Variants in ARAP2 observed in about 807,000 individuals in gnomAD.
The protein encoded by ARAP2 is ArfGAP with RhoGAP domain, ankyrin repeat and PH domain 2.
ARAP2 carries 148 observed loss-of-function variants against 194.5 expected under a neutral mutation model. That is an observed-to-expected ratio of 0.76 (90% CI 0.67 to 0.87). The LOEUF (loss-of-function observed/expected upper bound fraction) is 0.87, where lower values mean the gene tolerates loss of function less well. ARAP2 is among the 40% of genes least tolerant of loss of function. ARAP2 has a pLI of 0.00. For synonymous variants in ARAP2, 695 were observed against 683.5 expected, an observed-to-expected ratio of 1.02 and a Z score of -0.26; for missense variants, 2,128 against 1,989.7, an observed-to-expected ratio of 1.07 and a Z score of -1.32.
chr4:36,013,232 AAATTTAGAATTTTAT>A (rs1178072543), intron 8 of ARAP2, among the ~76,000 whole-genome samples: 1 of 152,216 alleles, frequency 6.6e-6, no homozygotes, highest in Non-Finnish European at 1.5e-5. Flanking sequence ...GAACTTATCA[AAATTTAGAATTTTAT>A]ACGGTGGCTT....
Position 36,121,176 on chromosome 4 carries a change from T to G in ARAP2, c.3894+3A>C. The G allele has an allele frequency of 1.9e-6, 3 of 1,580,816 alleles. No homozygotes were observed. The highest frequency in any genetic ancestry group is 1.7e-6 in the Non-Finnish European group (2 of 1,160,360). ...TAACAAGGGCAGGATACAAAATAAT[T>G]ACCTCAAATATTTCTACATAATTAT... On this transcript the variant is annotated splice_donor_region_variant and intron_variant, in intron 23 of 32. Transcript: ENST00000303965.
intron 5 of ARAP2, among the ~76,000 whole-genome samples, chr4:36,044,181 A>C (rs1006387607): frequency 1.3e-5 from 2 of 152,126 alleles, no homozygotes; most frequent in Non-Finnish European, 2.9e-5. Flanking sequence ...CCGATGTCAA[A>C]GGCCACTGAA....
In ARAP2 at chr4:36,143,882, C is replaced by T. The variant is rs189648532; in HGVS notation, c.3263+3414G>A. 2.6e-5 allele frequency among the ~76,000 whole-genome samples: 4 copies of T among 151,954 alleles called. No homozygotes were observed. In the South Asian group the frequency reaches 8.3e-4, roughly 32 times the overall value. On this transcript the variant is annotated intron_variant, in intron 19 of 32. Coordinates refer to ENST00000303965, the MANE Select transcript of ARAP2 (RefSeq NM_015230.4). ...CAAAAATGTTATTAACTGTCTGTGA[C>T]CATTATTTTGGAATTTCATTAGTTT...
At chr4:36,090,588 G>T (rs1326829033) in intron 28 of ARAP2, among the ~76,000 whole-genome samples, 1 of 152,084 alleles carries the variant, frequency 6.6e-6, no homozygotes, top group Non-Finnish European at 1.5e-5. Flanking sequence ...CCATAAAAAA[G>T]AATGAGATCA....
intron 27 of ARAP2, among the ~76,000 whole-genome samples, chr4:36,098,508 A>G (rs1715958389): frequency 6.6e-6 from 1 of 152,050 alleles, no homozygotes; most frequent in African/African-American, 2.4e-5. Flanking sequence ...TTAAAGCCTT[A>G]CCTTCCTAAA....
chr4:36,106,517 C>T (rs946697441), intron 27 of ARAP2, among the ~76,000 whole-genome samples: 40 of 151,780 alleles, frequency 2.6e-4, no homozygotes, highest in Non-Finnish European at 5.6e-4. Flanking sequence ...ATATGATAAG[C>T]TTTGGTACAA....
rs76617247 is a variant in ARAP2 at position 36,156,148 on chromosome 4, G to T, written c.2752+2582C>A. On this transcript the variant is annotated intron_variant, in intron 15 of 32. Coordinates refer to ENST00000303965, the MANE Select transcript of ARAP2 (RefSeq NM_015230.4). ...AATACAAAAATTAGCTGGGTGTGGTGGTGGATGCCTATAATCCCAGATATT... is the reference window on the plus strand; with the variant it reads ...AATACAAAAATTAGCTGGGTGTGGTTGTGGATGCCTATAATCCCAGATATT... Among the ~76,000 whole-genome samples the T allele has an allele frequency of 6.2e-3, 942 of 151,710 alleles. 11 individuals carry two copies. The highest frequency in any genetic ancestry group is 0.022 in the African/African-American group (894 of 41,308).
intron 15 of ARAP2, among the ~76,000 whole-genome samples, chr4:36,152,169 A>C (rs895996344): frequency 2.0e-5 from 3 of 152,196 alleles, no homozygotes; most frequent in Non-Finnish European, 4.4e-5. Flanking sequence ...TTACCAAATG[A>C]AAAGTCCAAT....
chr4:36,043,201 C>T (rs971658886), intron 5 of ARAP2, among the ~76,000 whole-genome samples: 2 of 152,174 alleles, frequency 1.3e-5, no homozygotes, highest in Non-Finnish European at 2.9e-5. Flanking sequence ...CCTGGCTTTA[C>T]AGTCTAATCA....
Position 36,201,183 on chromosome 4 carries a change from A to G in ARAP2, c.1488-7536T>C, listed in dbSNP as rs372392387. Among the ~76,000 whole-genome samples the G allele has an allele frequency of 1.5e-4, 23 of 152,346 alleles. No homozygotes were observed. The East Asian group carries it at 4.2e-3, about 28-fold the overall frequency. On this transcript the variant is annotated intron_variant, in intron 6 of 32. Transcript: ENST00000303965. ...ACAAACATGTGAGACAGGTAACATT[A>G]TTATATCCATTTTAGAGTTGAAGGC...
At chr4:36,119,761 C>A in intron 23 of ARAP2, 43 bp from the exon 24 acceptor site, 1 of 1,374,124 alleles carries the variant, frequency 7.3e-7, no homozygotes, top group Non-Finnish European at 1.0e-6. Context: ...ATGTAGAATA[C>A]GAAGAGTGAT....
chr4:36,187,914 GT>G (rs1357497411), intron 7 of ARAP2, among the ~76,000 whole-genome samples: 1 of 152,210 alleles, frequency 6.6e-6, no homozygotes, highest in Non-Finnish European at 1.5e-5. Flanking sequence ...ATTTTATGGT[GT>G]TTGCAGGCAT....
intron 9 of ARAP2, 102 bp from the exon 10 acceptor site, chr4:36,167,149 C>A: frequency 1.4e-6 from 1 of 723,792 alleles, no homozygotes; most frequent in South Asian, 2.1e-5. Context: ...CCAAATTTTA[C>A]AACAAAATCA....
chr4:36,160,866 A>G (rs563096751), intron 12 of ARAP2, among the ~76,000 whole-genome samples: 1 of 152,314 alleles, frequency 6.6e-6, no homozygotes, highest in South Asian at 2.1e-4. Context: ...ATTAGCTTGG[A>G]AAGAATTGCA....
chr4:36,057,523 A>G (rs1331290683), intron 2 of ARAP2, among the ~76,000 whole-genome samples: 1 of 151,980 alleles, frequency 6.6e-6, no homozygotes, highest in East Asian at 1.9e-4. Flanking sequence ...TGTCTCACAT[A>G]CTTCTTTTAT....
chr4:36,096,325 A>G (rs1157303553), intron 27 of ARAP2, among the ~76,000 whole-genome samples: 4 of 145,194 alleles, frequency 2.8e-5, no homozygotes, highest in African/African-American at 1.0e-4. Flanking sequence ...AGATTGTGCC[A>G]GTGCATTCCA....
chr4:36,069,163 T>G (rs139555446), intron 32 of ARAP2, among the ~76,000 whole-genome samples: 3 of 152,318 alleles, frequency 2.0e-5, no homozygotes, highest in African/African-American at 7.2e-5. Context: ...ACTGTTCTAT[T>G]TTTCTTAATC....
At chr4:36,060,225 T>C (rs952886204) in intron 1 of ARAP2, among the ~76,000 whole-genome samples, 2 of 152,140 alleles carry the variant, frequency 1.3e-5, no homozygotes, top group Non-Finnish European at 2.9e-5. Context: ...TGGTCTTTCT[T>C]TGAAAGGTTC....
chr4:36,116,821 G>T (rs893152601), intron 25 of ARAP2, among the ~76,000 whole-genome samples: 12 of 151,572 alleles, frequency 7.9e-5, no homozygotes, highest in Non-Finnish European at 1.5e-4. Flanking sequence ...TTAAGCTTGG[G>T]GTATTTTCCA....
Sources: gnomAD v4.1 joint callset for allele counts (sites outside exome capture counted in the v4.1 genomes callset) on GRCh38, gnomAD v4.1.1 for gene constraint, MANE v1.5 for transcripts, NCBI Gene and HGNC (gene_info 2026-07-23, HGNC 2026-07-21) for gene names.